Variants in RGS7 observed in about 807,000 individuals in gnomAD.
RGS7 encodes the protein regulator of G-protein signaling 7.
Under a neutral mutation model 81.1 loss-of-function variants are expected in RGS7, and 27 were observed. The ratio of observed to expected loss-of-function variants is 0.33; its 90% CI spans 0.25 to 0.46. The LOEUF (loss-of-function observed/expected upper bound fraction) is 0.46, where lower values mean the gene tolerates loss of function less well. RGS7 is among the 20% of genes least tolerant of loss of function. The pLI is 1.00. For missense variants in RGS7, 396 were observed against 607.4 expected (o/e 0.65, Z 3.66); for synonymous variants, 208 against 207.7 (o/e 1.00, Z -0.01).
At chr1:240,933,156 A>G (rs757004453) in intron 5 of RGS7, among the ~76,000 whole-genome samples, 10 of 151,692 alleles carry the variant, frequency 6.6e-5, no homozygotes, top group Non-Finnish European at 1.0e-4. Flanking sequence ...TGCTGGGATT[A>G]CAGGTGTGAG....
At chr1:241,159,140 T>G (rs554940452) in intron 2 of RGS7, among the ~76,000 whole-genome samples, 1 of 152,360 alleles carries the variant, frequency 6.6e-6, no homozygotes, top group South Asian at 2.1e-4. Flanking sequence ...TATGAACACA[T>G]AATTCATTTT....
At chr1:240,826,094 T>C (rs556925167) in intron 10 of RGS7, among the ~76,000 whole-genome samples, 6 of 152,310 alleles carry the variant, frequency 3.9e-5, no homozygotes, top group African/African-American at 1.2e-4. Context: ...GCAATTAAGT[T>C]GGGCCAGCCA....
chr1:241,018,133 ATTT>A lies in RGS7; in HGVS notation c.176-35007_176-35005del, dbSNP rs34587479. Among the ~76,000 whole-genome samples the A allele has an allele frequency of 4.2e-3, 486 of 114,402 alleles. 3 individuals carry two copies. Among genetic ancestry groups the A allele is most frequent in the African/African-American group, 0.016 (452 of 28,088 alleles). 75.1% of individuals were successfully genotyped at this position (114,402 alleles called of 152,430 possible). A position where few individuals can be genotyped will look rare whatever the true frequency, so the allele number is the denominator to read the frequency against. ...AGGCATGCACCACCATGCCCAGCTA[ATTT>A]TTTTTTTTTTTTTTTTTTTTGTATT... On this transcript the variant is annotated intron_variant, in intron 3 of 18. Coordinates refer to ENST00000440928, the MANE Select transcript of RGS7 (RefSeq NM_001364886.1).
rs563747048 is a variant in RGS7 at position 241,192,899 on chromosome 1, G to GA, written c.79-94138dup. 1.8e-3 allele frequency among the ~76,000 whole-genome samples: 276 copies of GA among 152,156 alleles called. 1 individual carries two copies. Among genetic ancestry groups the GA allele is most frequent in the African/African-American group, 6.5e-3 (270 of 41,504 alleles). ...AAAATCACACATATTATACTGACTT[G>GA]AAAAAATATTTTCAGCACCTACTTT... On this transcript the variant is annotated intron_variant, in intron 2 of 18. Coordinates refer to ENST00000440928, the MANE Select transcript of RGS7 (RefSeq NM_001364886.1).
At chr1:241,160,414 G>A (rs557456118) in intron 2 of RGS7, among the ~76,000 whole-genome samples, 20 of 147,604 alleles carry the variant, frequency 1.4e-4, no homozygotes, top group African/African-American at 4.8e-4. Context: ...TCCCCTGAAC[G>A]GTGTGTGGAA....
At chr1:240,973,533 A>C (rs1049251911) in intron 4 of RGS7, among the ~76,000 whole-genome samples, 1 of 152,132 alleles carries the variant, frequency 6.6e-6, no homozygotes, top group African/African-American at 2.4e-5. Flanking sequence ...AATCTAATTA[A>C]ATGATTTGGA....
rs9428498 is a variant in RGS7, at chr1:241,102,160, G to A, written c.79-3398C>T. On this transcript the variant is annotated intron_variant, in intron 2 of 18. Coordinates refer to ENST00000440928, the MANE Select transcript of RGS7 (RefSeq NM_001364886.1). ...ATCTTTATCCAGACATAATTTATCC[G>A]TGAACCTTCTCATGGCCTAGAATGA... is the stretch of plus-strand genomic sequence containing the variant. Among the ~76,000 whole-genome samples the A allele has an allele frequency of 4.8e-3, 735 of 152,158 alleles. 5 individuals are homozygous for A. Among genetic ancestry groups the A allele is most frequent in the African/African-American group, 0.017 (704 of 41,484 alleles).
chr1:241,267,567 C>T (rs1201507257), intron 2 of RGS7, among the ~76,000 whole-genome samples: 1 of 152,106 alleles, frequency 6.6e-6, no homozygotes, highest in Non-Finnish European at 1.5e-5. Context: ...TGCATTGTTT[C>T]CACTGATTTC....
chr1:241,260,249 A>C (rs886829599), intron 2 of RGS7, among the ~76,000 whole-genome samples: 1 of 152,184 alleles, frequency 6.6e-6, no homozygotes, highest in African/African-American at 2.4e-5. Flanking sequence ...AACTCTCCCA[A>C]GTACACAGTA....
chr1:241,269,185 C>T lies in RGS7; in HGVS notation c.78+86514G>A, dbSNP rs373483767. On this transcript the variant is annotated intron_variant, in intron 2 of 18. Coordinates refer to ENST00000440928, the MANE Select transcript of RGS7 (RefSeq NM_001364886.1). Reference sequence around the variant, plus strand: ...AGAAGTATGGAAGAGTTGACAGACTCGTGGGTCTCTTTTTAAAAAAATCTC... The same window carrying T: ...AGAAGTATGGAAGAGTTGACAGACTTGTGGGTCTCTTTTTAAAAAAATCTC... Among the ~76,000 whole-genome samples, 41 of 152,308 alleles carry T rather than the reference C, an allele frequency of 2.7e-4. No homozygotes were observed. In the Middle Eastern group the frequency reaches 0.01, roughly 38 times the overall value.
At position 240,998,799 on chromosome 1, in the gene RGS7, C is replaced by T. The variant is rs1687697364; in HGVS notation, c.176-15670G>A. On this transcript the variant is annotated intron_variant, in intron 3 of 18. Transcript: ENST00000440928. ...GAGCTGGGAGACGAAGGCCATGGCA[C>T]GGGTGAGTGTGGGGCTGGCGCTGCC... 23 of 648,956 alleles carry T rather than the reference C, an allele frequency of 3.5e-5. 1 individual carries two copies. Among genetic ancestry groups the T allele is most frequent in the South Asian group, 2.3e-4 (17 of 72,626 alleles). 40.2% of individuals were successfully genotyped at this position (648,956 alleles called of 1,614,324 possible).
intron 3 of RGS7, among the ~76,000 whole-genome samples, chr1:241,051,532 C>A (rs982919617): frequency 3.9e-5 from 6 of 152,056 alleles, no homozygotes; most frequent in African/African-American, 1.4e-4. Context: ...GTCAAAGAAT[C>A]TCTCTCTCTT....
chr1:241,270,757 C>A lies in RGS7; in HGVS notation c.78+84942G>T, dbSNP rs913028509. ...GCAGTGTTCATAGAAATAAACCCCCCCCCCTTTTTTTTTTTCTTGAGACGG... is the reference window on the plus strand; with the variant it reads ...GCAGTGTTCATAGAAATAAACCCCCACCCCTTTTTTTTTTTCTTGAGACGG... On this transcript the variant is annotated intron_variant, in intron 2 of 18. Coordinates refer to ENST00000440928, the MANE Select transcript of RGS7 (RefSeq NM_001364886.1). 8.6e-5 allele frequency among the ~76,000 whole-genome samples: 13 copies of A among 151,748 alleles called. 1 individual carries two copies. Among genetic ancestry groups the A allele is most frequent in the Non-Finnish European group, 5.9e-5 (4 of 67,860 alleles).
intron 18 of RGS7, among the ~76,000 whole-genome samples, chr1:240,789,506 T>G (rs1685616480): frequency 1.3e-5 from 2 of 152,200 alleles, no homozygotes; most frequent in Non-Finnish European, 2.9e-5. Flanking sequence ...CGCTGAATTC[T>G]TTTTCTCAGC....
intron 2 of RGS7, among the ~76,000 whole-genome samples, chr1:241,250,900 T>C (rs567352906): frequency 6.6e-6 from 1 of 152,242 alleles, no homozygotes; most frequent in Non-Finnish European, 1.5e-5. Context: ...TTGTTATTTA[T>C]GTGTTTGTCT....
intron 2 of RGS7, among the ~76,000 whole-genome samples, chr1:241,335,549 T>C (rs2082197463): frequency 6.6e-6 from 1 of 152,204 alleles, no homozygotes; most frequent in South Asian, 2.1e-4. Context: ...ATTCTAACCC[T>C]TTCTTCCTTC....
intron 4 of RGS7, among the ~76,000 whole-genome samples, chr1:240,957,262 C>A (rs189033313): frequency 1.3e-5 from 2 of 152,332 alleles, no homozygotes; most frequent in African/African-American, 2.4e-5. Flanking sequence ...GAACCTCAGA[C>A]TCCAGGTTCT....
At chr1:240,989,466 G>T (rs896836337) in intron 3 of RGS7, among the ~76,000 whole-genome samples, 7 of 151,402 alleles carry the variant, frequency 4.6e-5, no homozygotes, top group Admixed American at 1.3e-4. Context: ...TAATGGAATT[G>T]TCCCTACTTC....
intron 6 of RGS7, among the ~76,000 whole-genome samples, chr1:240,924,081 G>A (rs1674020788): frequency 6.6e-6 from 1 of 152,034 alleles, no homozygotes. Flanking sequence ...ACAAAACTTT[G>A]GATATGGCAA....
Sources: gnomAD v4.1 joint callset for allele counts (sites outside exome capture counted in the v4.1 genomes callset) on GRCh38, gnomAD v4.1.1 for gene constraint, MANE v1.5 for transcripts, NCBI Gene and HGNC (gene_info 2026-07-23, HGNC 2026-07-21) for gene names.